The following PKHD1 variants were observed in gnomAD, a reference collection of about 807,000 sequenced individuals.
PKHD1 encodes the protein fibrocystin.
A neutral mutation model predicts 412.0 loss-of-function variants in PKHD1; 291 were observed. That is an observed-to-expected ratio of 0.71 (90% confidence interval 0.64 to 0.78). The LOEUF (loss-of-function observed/expected upper bound fraction) is 0.78. PKHD1 is among the 30% of genes least tolerant of loss of function. The pLI, the probability that PKHD1 is intolerant of heterozygous loss-of-function variation, is 0.00. For synonymous variants in PKHD1, 1,777 were observed against 1,821.5 expected, an observed-to-expected ratio of 0.98 and a Z score of 0.62; for missense variants, 4,825 against 4,950.7, an observed-to-expected ratio of 0.97 and a Z score of 0.76.
intron 51 of PKHD1, 73 bp downstream of exon 51, chr6:51,836,331 A>T (rs1238348134): frequency 2.1e-6 from 2 of 960,338 alleles, no homozygotes; most frequent in Non-Finnish European, 3.4e-6. Context: ...CAGTATGACA[A>T]GGTGGAATTT....
rs377619040 is a variant in PKHD1 at position 51,911,936 on chromosome 6, T to C, written c.6353A>G (p.Glu2118Gly). 2 of 1,611,520 alleles carry C rather than the reference T, an allele frequency of 1.2e-6. No individual in the cohort carries two copies. Among genetic ancestry groups the C allele is most frequent in the Non-Finnish European group, 1.7e-6 (2 of 1,178,698 alleles). Residue 2118 changes from glutamate (E) to glycine (G), a missense_variant, in exon 39 of 67, where the codon GAG becomes GGG. By Grantham distance (98) the Glu-to-Gly change is moderately conservative (BLOSUM62 -2). Coordinates refer to ENST00000371117, the MANE Select transcript of PKHD1 (RefSeq NM_138694.4). Reference protein sequence around the residue: ...SPLRYSHNFTENWVAGEHHIL... With the variant: ...SPLRYSHNFTGNWVAGEHHIL... ...ATGGTGCTCTCCAGCCACCCAATTC[T>C]CTGTAAAGTTGTGAGAATATCTGGA...
In PKHD1 at chr6:51,870,605, G is replaced by A. The variant is rs1178075276; in HGVS notation, c.7385C>T (p.Pro2462Leu). ...AGACACCATCAGTTCCCATCTTTTA[G>A]GAGTTTTAATCCCAGATGACATACA... ...SLCMSSGIKT[P>L]KRWELMVSNT... The change falls in exon 47 of 67, where the codon CCT (proline) becomes CTT (leucine). Residue 2462 changes from proline (P) to leucine (L), a missense_variant. Pro to Leu is a moderately conservative substitution (Grantham distance 98, BLOSUM62 -3). Transcript: ENST00000371117. The A allele has an allele frequency of 6.2e-7, 1 of 1,609,986 alleles. No homozygotes were observed. The highest frequency in any genetic ancestry group is 1.7e-5 in the Admixed American group (1 of 60,004).
At chr6:51,767,523 G>T (rs1789290013) in intron 55 of PKHD1, among the ~76,000 whole-genome samples, 1 of 151,986 alleles carries the variant, frequency 6.6e-6, no homozygotes, top group African/African-American at 2.4e-5. Flanking sequence ...GTGTCCATGT[G>T]TTCTCATTGT....
Position 51,649,224 on chromosome 6 carries a change from A to T in PKHD1, c.11175-4T>A. ...AGTTTTAAAACTGCTTGTATTTCTGACAGATATAAAAACAAACAAAATACA... is the reference window on the plus strand; with the variant it reads ...AGTTTTAAAACTGCTTGTATTTCTGTCAGATATAAAAACAAACAAAATACA... On this transcript the variant is annotated splice_region_variant and splice_polypyrimidine_tract_variant and intron_variant, in intron 61 of 66. Transcript: ENST00000371117. The T allele has an allele frequency of 6.2e-7, 1 of 1,605,986 alleles. No individual in the cohort carries two copies. Among genetic ancestry groups the T allele is most frequent in the Non-Finnish European group, 8.5e-7 (1 of 1,172,990 alleles).
At chr6:51,911,704 T>A in intron 39 of PKHD1, 95 bp downstream of exon 39, 1 of 1,121,882 alleles carries the variant, frequency 8.9e-7, no homozygotes, top group Non-Finnish European at 1.3e-6. Flanking sequence ...CTTATTCTAT[T>A]TTAAAAGAGG....
chr6:52,027,186 C>G (rs1467559687), intron 31 of PKHD1, among the ~76,000 whole-genome samples: 1 of 152,120 alleles, frequency 6.6e-6, no homozygotes, highest in Non-Finnish European at 1.5e-5. Flanking sequence ...TTTCTCATAT[C>G]CACTCTAGAG....
Position 51,800,145 on chromosome 6 carries a change from C to G in PKHD1, c.8303-8772G>C, listed in dbSNP as rs1253389980. Among the ~76,000 whole-genome samples, 3 of 152,272 alleles carry G rather than the reference C, an allele frequency of 2.0e-5. No individual in the cohort carries two copies. In the East Asian group the frequency reaches 5.8e-4, roughly 29 times the overall value. Reference sequence around the variant, plus strand: ...TCCCCCCAAAGGGGCTCAGGACTAGCCATGGGGTGGTGCCTCTTGGTTCCG... The same window carrying G: ...TCCCCCCAAAGGGGCTCAGGACTAGGCATGGGGTGGTGCCTCTTGGTTCCG... On this transcript the variant is annotated intron_variant, in intron 52 of 66. Transcript: ENST00000371117.
chr6:51,977,600 A>C (rs1357850661), intron 35 of PKHD1, among the ~76,000 whole-genome samples: 1 of 152,216 alleles, frequency 6.6e-6, no homozygotes. Context: ...GGCTTTGCAC[A>C]TACTGCTGTA....
At chr6:51,874,242 C>T (rs1776474886) in intron 46 of PKHD1, among the ~76,000 whole-genome samples, 1 of 151,616 alleles carries the variant, frequency 6.6e-6, no homozygotes, top group Non-Finnish European at 1.5e-5. Flanking sequence ...ACAGATACTT[C>T]GATAAGTAGG....
chr6:51,874,118 G>C (rs948356008), intron 46 of PKHD1, among the ~76,000 whole-genome samples: 16 of 152,280 alleles, frequency 1.1e-4, no homozygotes, highest in African/African-American at 3.6e-4. Context: ...ATCACCCCTA[G>C]AGAAATAGGA....
intron 60 of PKHD1, among the ~76,000 whole-genome samples, chr6:51,704,226 T>C (rs1779760079): frequency 6.6e-6 from 1 of 152,010 alleles, no homozygotes; most frequent in African/African-American, 2.4e-5. Context: ...GAATAACATA[T>C]TGCCCAGAGG....
rs1451207259 is a variant in PKHD1 at position 52,025,186 on chromosome 6, C to A, written c.4624G>T (p.Asp1542Tyr). The A allele has an allele frequency of 1.2e-6, 2 of 1,614,164 alleles. No homozygotes were observed. Among genetic ancestry groups the A allele is most frequent in the East Asian group, 4.5e-5 (2 of 44,880 alleles). The part of the protein sequence containing the change: ...NASHVVCQTR[D>Y]LAPGPHYLSV... ...AGGTAGTGGGGTCCTGGGGCCAAGT[C>A]TCTTGTCTGGCACACAACGTGGCTT... is the stretch of plus-strand genomic sequence containing the variant. Residue 1542 changes from aspartate (D) to tyrosine (Y), a missense_variant, in exon 32 of 67, where the codon GAC (aspartate) becomes TAC (tyrosine). Physicochemically the swap from Asp to Tyr is radical, Grantham distance 160 (BLOSUM62 -3). Coordinates refer to ENST00000371117, the MANE Select transcript of PKHD1 (RefSeq NM_138694.4).
At chr6:51,671,124 A>G (rs1184945884) in intron 60 of PKHD1, among the ~76,000 whole-genome samples, 1 of 152,092 alleles carries the variant, frequency 6.6e-6, no homozygotes, top group East Asian at 1.9e-4. Context: ...GTTCTCCTGG[A>G]TAATATCCTG....
At chr6:51,782,549 C>G (rs890822347) in intron 53 of PKHD1, among the ~76,000 whole-genome samples, 1 of 152,070 alleles carries the variant, frequency 6.6e-6, no homozygotes, top group Non-Finnish European at 1.5e-5. Flanking sequence ...AGTCACATCC[C>G]TTTTATGTCA....
chr6:51,995,055 G>A (rs576910250), intron 35 of PKHD1, among the ~76,000 whole-genome samples: 2 of 152,238 alleles, frequency 1.3e-5, no homozygotes, highest in Admixed American at 6.5e-5. Flanking sequence ...GTCACCCTGC[G>A]TTTCTTTGTA....
intron 50 of PKHD1, among the ~76,000 whole-genome samples, chr6:51,843,655 C>A (rs763560257): frequency 1.1e-4 from 16 of 152,210 alleles, no homozygotes; most frequent in Non-Finnish European, 1.3e-4. Flanking sequence ...TTCCCAAGCA[C>A]GGCATAGAAG....
chr6:51,660,900 C>T (rs1001423879), intron 60 of PKHD1, among the ~76,000 whole-genome samples: 1 of 152,140 alleles, frequency 6.6e-6, no homozygotes, highest in African/African-American at 2.4e-5. Flanking sequence ...ACTCAACCTT[C>T]AGACTCTCTC....
chr6:51,627,297 C>T (rs1174540573), intron 65 of PKHD1, among the ~76,000 whole-genome samples, 181 bp from the exon 66 acceptor site: 1 of 151,988 alleles, frequency 6.6e-6, no homozygotes, highest in Non-Finnish European at 1.5e-5. Flanking sequence ...TGACCACCAA[C>T]TTTATGGTAT....
At position 52,025,167 on chromosome 6, in the gene PKHD1, T is replaced by TG; in HGVS notation, c.4642dup (p.His1548ProfsTer17). On this transcript the variant is annotated frameshift_variant, in exon 32 of 67. Coordinates refer to ENST00000371117, the MANE Select transcript of PKHD1 (RefSeq NM_138694.4). LOFTEE classifies it high-confidence loss of function. ...TCTTGTATAAAAAACTGACAGGTAG[T>TG]GGGGTCCTGGGGCCAAGTCTCTTGT... The TG allele has an allele frequency of 6.2e-7, 1 of 1,614,150 alleles. No homozygotes were observed. The highest frequency in any genetic ancestry group is 8.5e-7 in the Non-Finnish European group (1 of 1,179,998).
Sources: allele counts gnomAD v4.1 joint callset (sites outside exome capture counted in the v4.1 genomes callset), GRCh38; gene constraint gnomAD v4.1.1; transcripts MANE v1.5; gene names NCBI Gene and HGNC (gene_info 2026-07-23, HGNC 2026-07-21).